The following ZNF185 variants were observed in gnomAD, a reference collection of about 807,000 sequenced individuals.
The protein encoded by ZNF185 is zinc finger protein 185 with LIM domain, also known as zinc finger protein 185.
In ZNF185, 56 loss-of-function variants were observed where a neutral mutation model predicts 58.6. The observed-to-expected ratio is 0.95, with a 90% CI of 0.77 to 1.19. The LOEUF is 1.19. Among genes scored for constraint, ZNF185 ranks in the 50% most tolerant of loss-of-function variants. The probability of loss-of-function intolerance (pLI) is 0.00; values close to 1 mark genes in which losing one functional copy is unlikely to be tolerated. For missense variants in ZNF185, 627 were observed against 573.5 expected (o/e 1.09, Z -0.95); for synonymous variants, 230 against 215.9 (o/e 1.07, Z -0.57).
At chrX:152,914,361 T>A (rs1207137636), upstream of ZNF185, 1 of 602,015 alleles carries the variant, frequency 1.7e-6, no homozygotes, top group Non-Finnish European at 2.6e-6. Flanking sequence ...GTCTGGATGA[T>A]CTTGGTGTAC....
At chrX:152,945,168 C>T (rs782585314) in intron 15 of ZNF185, 99 bp from the exon 18 acceptor site, 121 of 968,542 alleles carry the variant, frequency 1.2e-4, no homozygotes, top group Non-Finnish European at 1.6e-4. Context: ...ATATGAGTCC[C>T]TCCAAGTCCA....
chrX:152,899,528 C>G, the ZNF185 span, among the ~76,000 whole-genome samples: 7 of 112,939 alleles, frequency 6.2e-5, no homozygotes, highest in African/African-American at 1.9e-4. Flanking sequence ...ATTCCCAGCC[C>G]CTGGCTGGAT....
intron 8 of ZNF185, 94 bp from the exon 10 acceptor site, chrX:152,920,613 T>C (rs1939506306): frequency 1.8e-6 from 2 of 1,098,676 alleles, no homozygotes; most frequent in Non-Finnish European, 2.5e-6. Context: ...GTGCCGGGAA[T>C]GGAGAGGGCC....
chrX:152,904,211 G>A, the ZNF185 span, among the ~76,000 whole-genome samples: 1 of 112,223 alleles, frequency 8.9e-6, no homozygotes, highest in Non-Finnish European at 1.9e-5. Context: ...GGCAAGAGGG[G>A]CCCAGCCTAG....
chrX:152,917,261 G>C (rs781935504), intron 4 of ZNF185, 24 bp from the exon 6 acceptor site: 10 of 1,211,066 alleles, frequency 8.3e-6, no homozygotes, highest in South Asian at 5.3e-5. Context: ...GGAGCTCACC[G>C]GCATCTCCTG....
chrX:152,951,085 A>ATTTTTTTT (rs57205058), intron 16 of ZNF185, among the ~76,000 whole-genome samples: 1 of 92,405 alleles, frequency 1.1e-5, no homozygotes, highest in Non-Finnish European at 2.1e-5. Context: ...ATGATCAAGA[A>ATTTTTTTT]TTTTTTTTTT....
intron 16 of ZNF185, among the ~76,000 whole-genome samples, chrX:152,954,303 G>C (rs1382749733): frequency 4.5e-5 from 5 of 110,951 alleles, no homozygotes; most frequent in Non-Finnish European, 9.4e-5. Context: ...CTGCTAAGTG[G>C]GGCATGTTCT....
At chrX:152,904,040 C>T in the ZNF185 span, among the ~76,000 whole-genome samples, 14 of 112,860 alleles carry the variant, frequency 1.2e-4, no homozygotes, top group East Asian at 3.6e-3. Context: ...CCACCCCCGC[C>T]ATGCGTTCTT....
At chrX:152,903,388 CAAAAAAAA>C in the ZNF185 span, among the ~76,000 whole-genome samples, 16 of 35,857 alleles carry the variant, frequency 4.5e-4, no homozygotes, top group Non-Finnish European at 5.6e-4. Context: ...AGACTCGTCT[CAAAAAAAA>C]AAAAAAAAAA....
intron 17 of ZNF185, among the ~76,000 whole-genome samples, chrX:152,962,014 A>T (rs1372760414): frequency 8.9e-6 from 1 of 111,959 alleles, no homozygotes. Flanking sequence ...TAGAGCAAGG[A>T]TGGTTAGGGA....
rs782044732 is a variant in ZNF185, at chrX:152,938,717, C to T, written c.1211+554C>T. Among the ~76,000 whole-genome samples, 86 of 111,082 alleles carry T rather than the reference C, an allele frequency of 7.7e-4. 1 individual carries two copies. Among genetic ancestry groups the T allele is most frequent in the Non-Finnish European group, 1.1e-3 (57 of 53,033 alleles). ...AGCCCTCTACTCACAGTGTCTCATA[C>T]GGTTCTCCTCACAGTCTCTCAAAGG... On this transcript the variant is annotated intron_variant, in intron 15 of 22. Coordinates refer to ENST00000449285, the Ensembl canonical transcript of ZNF185.
At position 152,968,093 on chromosome X, in the gene ZNF185, G is replaced by A. The variant is rs188942615; in HGVS notation, c.1871+855G>A. Among the ~76,000 whole-genome samples, 558 of 112,085 alleles carry A rather than the reference G, an allele frequency of 5.0e-3. 1 individual carries two copies. Among genetic ancestry groups the A allele is most frequent in the Non-Finnish European group, 8.7e-3 (461 of 53,167 alleles). The stretch of plus-strand genomic sequence containing the variant: ...GGGTTAAGATAAAGAGAATCCTACC[G>A]GGCCCCAGAGGCAAACATATAGGAG... On this transcript the variant is annotated intron_variant, in intron 20 of 22. Coordinates refer to ENST00000449285, the Ensembl canonical transcript of ZNF185.
At chrX:152,947,574 C>T (rs782311827) in intron 16 of ZNF185, among the ~76,000 whole-genome samples, 49 of 111,557 alleles carry the variant, frequency 4.4e-4, no homozygotes, top group Admixed American at 1.9e-3. Context: ...ATGAGAAGTG[C>T]CTGTAGGGGC....
chrX:152,904,786 T>C, the ZNF185 span, among the ~76,000 whole-genome samples: 50 of 112,059 alleles, frequency 4.5e-4, no homozygotes, highest in Non-Finnish European at 9.0e-4. Flanking sequence ...CTTTTGACCT[T>C]AGCCCCCTCC....
Position 152,922,953 on chromosome X carries a change from G to A in ZNF185, c.830+144G>A, listed in dbSNP as rs1940067468. The A allele has an allele frequency of 1.0e-5, 5 of 490,156 alleles. No individual in the cohort carries two copies. The East Asian group carries it at 1.9e-4, about 18-fold the overall frequency. The allele number at this position is 490,156 out of a possible 1,213,427, so 40.4% of individuals were successfully genotyped here. A position where few individuals can be genotyped will look rare whatever the true frequency, so the allele number is the denominator to read the frequency against. ...CTGAGCACTGGTGATCTCACTCCAG[G>A]AAGGGCCGTGATTTGTCTTGATTTC... On this transcript the variant is annotated intron_variant, in intron 11 of 22. Transcript: ENST00000449285.
rs367580939 is a variant in ZNF185 at position 152,963,962 on chromosome X, A to G, written c.1718+13A>G. On this transcript the variant is annotated intron_variant, in intron 18 of 22. Transcript: ENST00000449285. ...CCAGCTCTACCACGTAAGAAGGGCT[A>G]TCTAGCAACCTGGGAGATGTTCCTC... 1.2e-4 allele frequency: 146 copies of G among 1,194,439 alleles called. No homozygotes were observed. In the East Asian group the frequency reaches 2.9e-3, roughly 24 times the overall value.
At chrX:152,910,283 G>T (rs1435152535), upstream of ZNF185, among the ~76,000 whole-genome samples, 1 of 112,094 alleles carries the variant, frequency 8.9e-6, no homozygotes, top group South Asian at 3.7e-4. Flanking sequence ...GTAAACCACC[G>T]TCGGGCTCAT....
At chrX:152,929,164 T>G (rs374836608) in intron 12 of ZNF185, among the ~76,000 whole-genome samples, 298 of 109,952 alleles carry the variant, frequency 2.7e-3, no homozygotes, top group African/African-American at 8.6e-3. Context: ...GGGAATAGAG[T>G]GGGGTCACTG....
At chrX:152,961,496 T>G (rs1376733603) in intron 17 of ZNF185, among the ~76,000 whole-genome samples, 1 of 111,573 alleles carries the variant, frequency 9.0e-6, no homozygotes, top group African/African-American at 3.3e-5. Flanking sequence ...ACGTGTCTTT[T>G]GAGAGCTCCC....
Sources: allele counts gnomAD v4.1 joint callset (sites outside exome capture counted in the v4.1 genomes callset), GRCh38; gene constraint gnomAD v4.1.1; transcripts MANE v1.5; gene names NCBI Gene and HGNC (gene_info 2026-07-23, HGNC 2026-07-21).